The following TTN variants were observed in gnomAD, a reference collection of about 807,000 sequenced individuals.
TTN encodes titin.
In TTN, 1,525 loss-of-function variants were observed where a neutral mutation model predicts 3,223.0. That is an observed-to-expected ratio of 0.47 (90% CI 0.45 to 0.49). The LOEUF (loss-of-function observed/expected upper bound fraction) is 0.49. TTN is among the 20% of genes least tolerant of loss of function. The pLI is 0.00. For synonymous variants in TTN, 14,094 were observed against 15,161.0 expected, an observed-to-expected ratio of 0.93 and a Z score of 5.17; for missense variants, 40,786 against 43,424.0, an observed-to-expected ratio of 0.94 and a Z score of 5.40.
At chr2:178,720,872 G>T in intron 79 of TTN, 49 bp downstream of exon 79, 1 of 1,517,478 alleles carries the variant, frequency 6.6e-7, no homozygotes, top group Non-Finnish European at 8.8e-7. Flanking sequence ...TTTGCTAAGA[G>T]CCCAAATCAG....
chr2:178,635,911 A>AT, intron 226 of TTN, 52 bp downstream of exon 226: 1 of 1,536,122 alleles, frequency 6.5e-7, no homozygotes, highest in Non-Finnish European at 8.7e-7. Context: ...CCTTTCTTCC[A>AT]TTTTCTTAGT....
chr2:178,639,963 T>C, intron 222 of TTN, 85 bp downstream of exon 222: 1 of 1,529,280 alleles, frequency 6.5e-7, no homozygotes, highest in Non-Finnish European at 9.0e-7. Context: ...ATACTGACTT[T>C]CACCTACTAT....
In TTN at chr2:178,560,422, G is replaced by A. The variant is rs1355001512; in HGVS notation, c.85710C>T (p.Cys28570=). The change falls in exon 326 of 363, where the codon TGC becomes TGT. Residue 28570 remains cysteine, a synonymous_variant. Coordinates refer to ENST00000589042, the MANE Select transcript of TTN (RefSeq NM_001267550.2). Reference sequence around the variant, plus strand: ...CTCCATCACTCTCGGGTCTTGACCAGCAAAGTGTCATAGATTCTTTGGTCA... The same window carrying A: ...CTCCATCACTCTCGGGTCTTGACCAACAAAGTGTCATAGATTCTTTGGTCA... ...TSVTKESMTL[C]WSRPESDGGS... 10 of 1,613,578 alleles carry A rather than the reference G, an allele frequency of 6.2e-6. No homozygotes were observed. Among genetic ancestry groups the A allele is most frequent in the Non-Finnish European group, 8.5e-6 (10 of 1,179,770 alleles).
Position 178,554,057 on chromosome 2 carries a change from T to C in TTN, c.89054A>G (p.Lys29685Arg), listed in dbSNP as rs773157007. ...KKSLGWFKVL[K>R]ETIRDTRQKV... The stretch of plus-strand genomic sequence containing the variant: ...TTGTCTGGTGTCACGGATAGTCTCT[T>C]TTAGTACTTTAAACCATCCTAGGCT... Residue 29685 changes from lysine to arginine, a missense_variant, in exon 333 of 363, where the codon AAA becomes AGA. Physicochemically the swap from Lys to Arg is conservative, Grantham distance 26. Coordinates refer to ENST00000589042, the MANE Select transcript of TTN (RefSeq NM_001267550.2). 2.5e-6 allele frequency: 4 copies of C among 1,613,882 alleles called. No homozygotes were observed. The Admixed American group carries it at 6.7e-5, about 27-fold the overall frequency.
intron 33 of TTN, 147 bp downstream of exon 33, chr2:178,772,962 T>C (rs2091749017): frequency 1.1e-6 from 1 of 942,580 alleles, no homozygotes; most frequent in African/African-American, 1.7e-5. Flanking sequence ...CTGGTGGGAA[T>C]GGTGTTGCAA....
In TTN at chr2:178,733,708, G is replaced by A; in HGVS notation, c.15681C>T (p.Ile5227=). 1.2e-6 allele frequency: 2 copies of A among 1,613,848 alleles called. No individual in the cohort carries two copies. Among genetic ancestry groups the A allele is most frequent in the Non-Finnish European group, 1.7e-6 (2 of 1,179,798 alleles). ...SFSNGVAVLI[I]PDVQISFGGK... ...CTCCAAAACTAATCTGAACATCAGG[G>A]ATTATCAAGACTGCAACACCATTGG... The change falls in exon 53 of 363, where the codon ATC becomes ATT. Residue 5227 remains isoleucine, a synonymous_variant. Coordinates refer to ENST00000589042, the MANE Select transcript of TTN (RefSeq NM_001267550.2).
Position 178,549,812 on chromosome 2 carries a change from ATCT to A in TTN, c.91907_91909del (p.Lys30636del). ...GAGTGGGGCATCCCACCACAGAGTC[ATCT>A]TCTCCCCAGTAATATTGGTGAATCT... On this transcript the variant is annotated inframe_deletion, in exon 338 of 363. Transcript: ENST00000589042. 2 of 1,606,062 alleles carry A rather than the reference ATCT, an allele frequency of 1.2e-6. No individual in the cohort carries two copies. Among genetic ancestry groups the A allele is most frequent in the Non-Finnish European group, 1.7e-6 (2 of 1,173,994 alleles).
chr2:178,680,367 G>T, intron 138 of TTN, 36 bp from the exon 139 acceptor site: 1 of 1,567,434 alleles, frequency 6.4e-7, no homozygotes, highest in Non-Finnish European at 8.7e-7. Flanking sequence ...TTTATTGTCA[G>T]TAAAAGGCCA....
chr2:178,713,745 A>T, intron 92 of TTN, 152 bp downstream of exon 92: 2 of 1,033,238 alleles, frequency 1.9e-6, no homozygotes, highest in Non-Finnish European at 2.7e-6. Context: ...TTTTCTTCTA[A>T]TTCTACAGAT....
intron 340 of TTN, 27 bp downstream of exon 340, chr2:178,546,976 A>C: frequency 6.3e-7 from 1 of 1,594,492 alleles, no homozygotes; most frequent in Non-Finnish European, 8.6e-7. Flanking sequence ...ATAATAAACA[A>C]ATATGCCCTT....
rs1373178934 is a variant in TTN at position 178,592,947 on chromosome 2, A to T, written c.59172T>A (p.Asp19724Glu). The part of the protein sequence containing the change: ...GYIVEYQKVG[D>E]EEWRRANHTP... ...TGTGATTGGCTCTTCTCCACTCTTC[A>T]TCTCCAACTTTCTGGTACTCAACAA... Residue 19724 changes from aspartate (D) to glutamate (E), a missense_variant, in exon 300 of 363, where the codon GAT becomes GAA. Coordinates refer to ENST00000589042, the MANE Select transcript of TTN (RefSeq NM_001267550.2). 1.2e-6 allele frequency: 2 copies of T among 1,613,424 alleles called. No homozygotes were observed. Among genetic ancestry groups the T allele is most frequent in the Non-Finnish European group, 1.7e-6 (2 of 1,179,580 alleles).
chr2:178,728,415 C>CA lies in TTN; in HGVS notation c.19427-19dup. 1 of 1,582,846 alleles carries CA rather than the reference C, an allele frequency of 6.3e-7. No homozygotes were observed. Among genetic ancestry groups the CA allele is most frequent in the Non-Finnish European group, 8.6e-7 (1 of 1,164,238 alleles). ...ATTTTGATCTGTCCAATGCAAACAG[C>CA]AAAACACATCCATTAATCTCTTGCT... On this transcript the variant is annotated intron_variant, in intron 66 of 362. Coordinates refer to ENST00000589042, the MANE Select transcript of TTN (RefSeq NM_001267550.2).
At position 178,588,869 on chromosome 2, in the gene TTN, A is replaced by C. The variant is rs748109390; in HGVS notation, c.62856T>G (p.Ser20952Arg). 6.2e-7 allele frequency: 1 copy of C among 1,613,134 alleles called. No homozygotes were observed. Among genetic ancestry groups the C allele is most frequent in the Non-Finnish European group, 8.5e-7 (1 of 1,179,602 alleles). The stretch of plus-strand genomic sequence containing the variant: ...ACTTGGTTTTGGCTATGACTGGTTT[A>C]CTTTCTGTTGGAGGCCCTGTGCCTA... The part of the protein sequence containing the change: ...NKIGTGPPTE[S>R]KPVIAKTKYD... The change falls in exon 304 of 363, where the codon AGT becomes AGG. Residue 20952 changes from serine to arginine, a missense_variant. Coordinates refer to ENST00000589042, the MANE Select transcript of TTN (RefSeq NM_001267550.2).
rs767397034 is a variant in TTN at position 178,572,651 on chromosome 2, C to G, written c.73481G>C (p.Ser24494Thr). The G allele has an allele frequency of 2.5e-6, 4 of 1,612,952 alleles. No individual in the cohort carries two copies. The highest frequency in any genetic ancestry group is 3.3e-4 in the Middle Eastern group (2 of 6,048). The change falls in exon 326 of 363, where the codon AGT (serine) becomes ACT (threonine). Residue 24494 changes from serine (S) to threonine (T), a missense_variant. Coordinates refer to ENST00000589042, the MANE Select transcript of TTN (RefSeq NM_001267550.2). The stretch of plus-strand genomic sequence containing the variant: ...TTCTACAGTTAGTATATATTTGCCA[C>G]TGTCAAATCTGTTTACATTTCCAAC... ...LIVGNVNRFD[S>T]GKYILTVENS...
In TTN at chr2:178,779,099, C is replaced by T; in HGVS notation, c.3983G>A (p.Gly1328Asp). Residue 1328 changes from glycine to aspartate, a missense_variant, in exon 24 of 363, where the codon GGC (glycine) becomes GAC (aspartate). Physicochemically the swap from Gly to Asp is moderately conservative, Grantham distance 94. Transcript: ENST00000589042. ...PLPKIAWYKD[G>D]KRIKHGERYQ... is the part of the protein sequence containing the mutation. Reference sequence around the variant, plus strand: ...TCTTTCTCCATGTTTGATGCGCTTGCCATCTTTGTACCAAGCAATCTGCAA... The same window carrying T: ...TCTTTCTCCATGTTTGATGCGCTTGTCATCTTTGTACCAAGCAATCTGCAA... The T allele has an allele frequency of 6.2e-7, 1 of 1,613,836 alleles. No individual in the cohort carries two copies. Among genetic ancestry groups the T allele is most frequent in the Non-Finnish European group, 8.5e-7 (1 of 1,179,930 alleles).
Position 178,546,479 on chromosome 2 carries a change from C to G in TTN, c.94852G>C (p.Ala31618Pro), listed in dbSNP as rs1315367513. The change falls in exon 342 of 363, where the codon GCC becomes CCC. Residue 31618 changes from alanine to proline, a missense_variant. By Grantham distance (27) the Ala-to-Pro change is conservative. Transcript: ENST00000589042. ...GTAACCAGATCACCGTGTAATCGGG[C>G]ATCCAGTTCGGCTTTGGGTGGAGCT... ...EYAPPKAELD[A>P]RLHGDLVTIR... 2 of 1,612,368 alleles carry G rather than the reference C, an allele frequency of 1.2e-6. No individual in the cohort carries two copies. The highest frequency in any genetic ancestry group is 2.2e-5 in the South Asian group (2 of 91,008).
intron 283 of TTN, 59 bp downstream of exon 283, chr2:178,602,218 GTAAAT>G: frequency 6.3e-7 from 1 of 1,596,286 alleles, no homozygotes. Flanking sequence ...AATATCTTCA[GTAAAT>G]TAATCAATTT....
rs745373900 is a variant in TTN at position 178,562,248 on chromosome 2, T to C, written c.83884A>G (p.Lys27962Glu). Reference protein sequence around the residue: ...VPVIARDIEIKPSVELPFHTF... With the variant: ...VPVIARDIEIEPSVELPFHTF... The stretch of plus-strand genomic sequence containing the variant: ...TGGAAAGGAAGCTCAACTGAAGGCT[T>C]TATTTCAATATCCCTTGCAATTACT... Residue 27962 changes from lysine (K) to glutamate (E), a missense_variant, in exon 326 of 363, where the codon AAG (lysine) becomes GAG (glutamate). Transcript: ENST00000589042. 1 of 1,613,216 alleles carries C rather than the reference T, an allele frequency of 6.2e-7. No individual in the cohort carries two copies. Among genetic ancestry groups the C allele is most frequent in the South Asian group, 1.1e-5 (1 of 90,952 alleles).
intron 21 of TTN, 138 bp downstream of exon 21, chr2:178,780,983 C>T: frequency 1.8e-6 from 2 of 1,114,602 alleles, no homozygotes; most frequent in Non-Finnish European, 2.6e-6. Flanking sequence ...AAACATTTTC[C>T]ATACAACTGA....
Sources: gnomAD v4.1 joint callset for allele counts on GRCh38, gnomAD v4.1.1 for gene constraint, MANE v1.5 for transcripts, NCBI Gene and HGNC (gene_info 2026-07-23, HGNC 2026-07-21) for gene names.